LRBA: variants seen among roughly 807,000 people sequenced by gnomAD.
LRBA encodes the protein lipopolysaccharide-responsive and beige-like anchor protein.
In LRBA, 176 loss-of-function variants were observed where a neutral mutation model predicts 330.0. The ratio of observed to expected loss-of-function variants is 0.53; its 90% CI spans 0.47 to 0.60. The LOEUF is 0.60. LRBA is among the 20% of genes least tolerant of loss of function. LRBA has a pLI of 0.00. For missense variants in LRBA, 3,259 were observed against 3,444.8 expected (o/e 0.95, Z 1.35); for synonymous variants, 1,230 against 1,193.0 (o/e 1.03, Z -0.64).
chr4:150,673,568 T>A (rs918529683), intron 37 of LRBA, among the ~76,000 whole-genome samples: 1 of 152,192 alleles, frequency 6.6e-6, no homozygotes, highest in African/African-American at 2.4e-5. Context: ...CTTGCTTACA[T>A]TTCAGTACAT....
intron 30 of LRBA, 100 bp from the exon 31 acceptor site, chr4:150,817,357 T>G (rs1247085405): frequency 9.3e-7 from 1 of 1,073,494 alleles, no homozygotes. Flanking sequence ...CTTATTTTTC[T>G]AATTTTCTTT....
chr4:150,445,905 T>C (rs1009919317), intron 44 of LRBA, among the ~76,000 whole-genome samples: 1 of 152,036 alleles, frequency 6.6e-6, no homozygotes, highest in African/African-American at 2.4e-5. Context: ...TCAGCCTTCC[T>C]AAGTGCTGGG....
chr4:150,723,221 G>A (rs150320226), intron 36 of LRBA, among the ~76,000 whole-genome samples: 1 of 152,310 alleles, frequency 6.6e-6, no homozygotes, highest in Non-Finnish European at 1.5e-5. Context: ...ACACCAGCTT[G>A]CGTGGCTAAG....
chr4:150,698,199 T>G (rs1045259248), intron 36 of LRBA, among the ~76,000 whole-genome samples: 5 of 152,204 alleles, frequency 3.3e-5, no homozygotes, highest in African/African-American at 4.8e-5. Flanking sequence ...AAACAAATGT[T>G]GTATAAAATA....
intron 40 of LRBA, among the ~76,000 whole-genome samples, chr4:150,553,499 A>G (rs554061105): frequency 6.6e-6 from 1 of 152,038 alleles, no homozygotes; most frequent in African/African-American, 2.4e-5. Context: ...CTCACCTGGC[A>G]CTCCTCTCCT....
intron 34 of LRBA, among the ~76,000 whole-genome samples, chr4:150,768,871 A>AT (rs1369654641): frequency 3.3e-4 from 50 of 150,350 alleles, no homozygotes; most frequent in African/African-American, 1.2e-3. Context: ...TCATAGGAAA[A>AT]TTTTTTTAAA....
At chr4:150,675,328 T>C (rs1282095307) in intron 37 of LRBA, among the ~76,000 whole-genome samples, 1 of 152,224 alleles carries the variant, frequency 6.6e-6, no homozygotes, top group Non-Finnish European at 1.5e-5. Flanking sequence ...AACAAACTTT[T>C]AAAGCTCTAG....
At chr4:150,975,314 G>A (rs1740027337) in intron 2 of LRBA, among the ~76,000 whole-genome samples, 2 of 152,172 alleles carry the variant, frequency 1.3e-5, no homozygotes, top group South Asian at 2.1e-4. Flanking sequence ...GGGATCACTT[G>A]AGGCCAAGAG....
chr4:150,913,467 C>CA (rs946789906), intron 9 of LRBA, among the ~76,000 whole-genome samples: 5 of 151,456 alleles, frequency 3.3e-5, no homozygotes, highest in South Asian at 2.1e-4. Flanking sequence ...AACTCCACCT[C>CA]AAAAAAAAGA....
At chr4:150,696,305 A>G (rs1346923447) in intron 36 of LRBA, among the ~76,000 whole-genome samples, 1 of 152,210 alleles carries the variant, frequency 6.6e-6, no homozygotes, top group Non-Finnish European at 1.5e-5. Flanking sequence ...GCAATTATGT[A>G]TAAAAATCAT....
Position 151,012,313 on chromosome 4 carries a change from C to CT in LRBA, c.216+2113_216+2114insA, listed in dbSNP as rs1392784962. On this transcript the variant is annotated intron_variant, in intron 2 of 56. Coordinates refer to ENST00000651943, the MANE Select transcript of LRBA (RefSeq NM_001364905.1). ...TTTAATGATAAAAATGCAAATGACT[C>CT]ACGTTTGGTCATCCACTCCAACACA... 3.3e-5 allele frequency among the ~76,000 whole-genome samples: 5 copies of CT among 152,178 alleles called. No homozygotes were observed. In the East Asian group the frequency reaches 9.6e-4, roughly 29 times the overall value.
At chr4:150,660,445 C>A (rs1340696034) in intron 37 of LRBA, among the ~76,000 whole-genome samples, 1 of 149,440 alleles carries the variant, frequency 6.7e-6, no homozygotes. Context: ...AGGAGCCCCT[C>A]TGCCCGGCCA....
intron 2 of LRBA, among the ~76,000 whole-genome samples, chr4:150,957,912 G>A (rs548949668): frequency 7.4e-5 from 11 of 149,414 alleles, no homozygotes; most frequent in Admixed American, 1.3e-4. Flanking sequence ...GGGTTCCCAC[G>A]GTCTTGGGCA....
intron 5 of LRBA, among the ~76,000 whole-genome samples, chr4:150,920,446 G>A (rs1733125802): frequency 6.6e-6 from 1 of 152,122 alleles, no homozygotes; most frequent in Non-Finnish European, 1.5e-5. Context: ...CTACTCAGGA[G>A]GCTGAGGCAG....
At chr4:150,453,014 A>G (rs1443948426) in intron 44 of LRBA, among the ~76,000 whole-genome samples, 4 of 152,206 alleles carry the variant, frequency 2.6e-5, no homozygotes, top group African/African-American at 9.6e-5. Context: ...ATTGTATGCT[A>G]AAAGCTATGG....
At chr4:150,463,681 T>C (rs1755065384) in intron 44 of LRBA, among the ~76,000 whole-genome samples, 1 of 152,016 alleles carries the variant, frequency 6.6e-6, no homozygotes, top group African/African-American at 2.4e-5. Context: ...CCAACAAAAG[T>C]ATTTCACAAG....
At chr4:150,699,717 G>A (rs928957435) in intron 36 of LRBA, among the ~76,000 whole-genome samples, 4 of 152,122 alleles carry the variant, frequency 2.6e-5, no homozygotes, top group African/African-American at 9.7e-5. Flanking sequence ...TGATGTAAAG[G>A]TGCAGCAGTG....
At chr4:150,590,397 A>T (rs962850981) in intron 39 of LRBA, among the ~76,000 whole-genome samples, 6 of 148,586 alleles carry the variant, frequency 4.0e-5, no homozygotes, top group African/African-American at 1.5e-4. Flanking sequence ...AATTTTACTT[A>T]TAGTCTTACT....
At chr4:150,961,382 A>G (rs1738128757) in intron 2 of LRBA, among the ~76,000 whole-genome samples, 1 of 149,522 alleles carries the variant, frequency 6.7e-6, no homozygotes, top group African/African-American at 2.6e-5. Flanking sequence ...AGAGCTAAAG[A>G]GAAATACTGC....
Sources: allele counts gnomAD v4.1 joint callset (sites outside exome capture counted in the v4.1 genomes callset), GRCh38; gene constraint gnomAD v4.1.1; transcripts MANE v1.5; gene names NCBI Gene and HGNC (gene_info 2026-07-23, HGNC 2026-07-21).